PALS1: variants seen among roughly 807,000 people sequenced by gnomAD.
PALS1 encodes protein associated with LIN7 1, MAGUK p55 family member, also known as protein PALS1.
PALS1 carries 31 observed loss-of-function variants against 78.9 expected under a neutral mutation model. The ratio of observed to expected loss-of-function variants is 0.39; its 90% CI spans 0.30 to 0.53. The LOEUF is 0.53. Among genes scored for constraint, PALS1 ranks in the 20% least tolerant of loss-of-function variants. The pLI is 0.67. For missense variants in PALS1, 704 were observed against 826.5 expected, an observed-to-expected ratio of 0.85 and a Z score of 1.82; for synonymous variants, 276 against 270.9, an observed-to-expected ratio of 1.02 and a Z score of -0.18.
At chr14:67,285,397 C>T (rs1211955505) in intron 3 of PALS1, among the ~76,000 whole-genome samples, 22 of 142,538 alleles carry the variant, frequency 1.5e-4, no homozygotes, top group East Asian at 2.1e-4. Flanking sequence ...GACGGAGTCT[C>T]GCTCTGTCGC....
At chr14:67,247,128 A>G (rs1212660347) in intron 1 of PALS1, among the ~76,000 whole-genome samples, 1 of 152,264 alleles carries the variant, frequency 6.6e-6, no homozygotes, top group African/African-American at 2.4e-5. Flanking sequence ...TTTAGAGATC[A>G]ACCTGAAGAT....
chr14:67,267,748 A>G (rs199885848), intron 1 of PALS1, among the ~76,000 whole-genome samples: 1 of 152,268 alleles, frequency 6.6e-6, no homozygotes, highest in East Asian at 1.9e-4. Flanking sequence ...TGCCTTTTTC[A>G]GTCAGAATCT....
At chr14:67,256,317 C>T (rs936222923) in intron 1 of PALS1, among the ~76,000 whole-genome samples, 1 of 151,912 alleles carries the variant, frequency 6.6e-6, no homozygotes, top group South Asian at 2.1e-4. Flanking sequence ...TTTTCACTTG[C>T]GTTTGTTTCA....
At chr14:67,298,757 C>T (rs2084894047) in intron 4 of PALS1, among the ~76,000 whole-genome samples, 2 of 152,158 alleles carry the variant, frequency 1.3e-5, no homozygotes, top group South Asian at 4.1e-4. Flanking sequence ...AAACATACAA[C>T]TGCTATCAAG....
chr14:67,290,891 A>G (rs982515969), intron 3 of PALS1, among the ~76,000 whole-genome samples: 3 of 152,216 alleles, frequency 2.0e-5, no homozygotes, highest in Non-Finnish European at 4.4e-5. Context: ...AGGAAAAATA[A>G]AGTTAAATTT....
intron 8 of PALS1, among the ~76,000 whole-genome samples, chr14:67,310,901 CAGTA>C: frequency 6.6e-6 from 1 of 152,160 alleles, no homozygotes; most frequent in Non-Finnish European, 1.5e-5. Flanking sequence ...CTGTCATCGA[CAGTA>C]CTCATTTTAG....
At chr14:67,293,107 G>A (rs1050925361) in intron 4 of PALS1, among the ~76,000 whole-genome samples, 4 of 151,904 alleles carry the variant, frequency 2.6e-5, no homozygotes, top group African/African-American at 9.7e-5. Context: ...ATTATATAAC[G>A]CCTAAGATTT....
At chr14:67,312,342 C>T (rs1038820149) in intron 8 of PALS1, among the ~76,000 whole-genome samples, 185 bp from the exon 9 acceptor site, 1 of 152,088 alleles carries the variant, frequency 6.6e-6, no homozygotes, top group Non-Finnish European at 1.5e-5. Context: ...CTTTGGGAGG[C>T]TGAGGGAGAA....
intron 5 of PALS1, among the ~76,000 whole-genome samples, chr14:67,301,760 T>C (rs2084935167): frequency 6.6e-6 from 1 of 152,200 alleles, no homozygotes; most frequent in African/African-American, 2.4e-5. Flanking sequence ...TACATTGATG[T>C]TATCTTCCGA....
intron 1 of PALS1, among the ~76,000 whole-genome samples, chr14:67,248,513 A>G (rs2140426261): frequency 6.6e-6 from 1 of 152,294 alleles, no homozygotes; most frequent in South Asian, 2.1e-4. Context: ...AAATTAAAAC[A>G]TTTGGCTTTC....
chr14:67,319,673 G>A (rs1265354952), intron 11 of PALS1, among the ~76,000 whole-genome samples: 1 of 151,550 alleles, frequency 6.6e-6, no homozygotes, highest in Admixed American at 6.6e-5. Flanking sequence ...TTACAAATTC[G>A]CATTGGGCCC....
chr14:67,293,777 T>C (rs1260151427), intron 4 of PALS1, among the ~76,000 whole-genome samples: 2 of 152,144 alleles, frequency 1.3e-5, no homozygotes, highest in African/African-American at 4.8e-5. Context: ...TCAAATCCGG[T>C]TGGGAAGAAT....
At chr14:67,285,412 G>A (rs1184536378) in intron 3 of PALS1, among the ~76,000 whole-genome samples, 2 of 146,158 alleles carry the variant, frequency 1.4e-5, no homozygotes, top group Non-Finnish European at 3.0e-5. Flanking sequence ...TGTCGCCCAG[G>A]CTGGAGTGCA....
At chr14:67,305,641 A>G (rs2084991592) in intron 8 of PALS1, among the ~76,000 whole-genome samples, 1 of 152,258 alleles carries the variant, frequency 6.6e-6, no homozygotes. Flanking sequence ...ATTCTGTAAA[A>G]GAAAAGCCAT....
chr14:67,296,079 T>C (rs2084843720), intron 4 of PALS1, among the ~76,000 whole-genome samples: 1 of 151,998 alleles, frequency 6.6e-6, no homozygotes, highest in Non-Finnish European at 1.5e-5. Context: ...GAGATGTGCC[T>C]AATTCTGTTT....
intron 2 of PALS1, among the ~76,000 whole-genome samples, chr14:67,276,571 C>T (rs908119133): frequency 7.9e-5 from 12 of 152,228 alleles, no homozygotes; most frequent in African/African-American, 2.9e-4. Flanking sequence ...AGGCTAAGCA[C>T]TGGAGCTATA....
intron 1 of PALS1, among the ~76,000 whole-genome samples, chr14:67,252,773 T>G (rs1358057274): frequency 6.6e-6 from 1 of 152,220 alleles, no homozygotes. Flanking sequence ...ATTTGTACTT[T>G]TATCATTTAT....
chr14:67,257,768 CAGGT>C (rs1168580894), intron 1 of PALS1, among the ~76,000 whole-genome samples: 2 of 152,018 alleles, frequency 1.3e-5, no homozygotes, highest in Non-Finnish European at 2.9e-5. Flanking sequence ...ATGCAGAACT[CAGGT>C]AGAGGAGGTG....
intron 1 of PALS1, among the ~76,000 whole-genome samples, chr14:67,251,084 A>C (rs183604505): frequency 2.2e-4 from 34 of 152,356 alleles, no homozygotes; most frequent in Non-Finnish European, 4.4e-4. Context: ...TATAAGTGAT[A>C]GAAAGGAGTT....
Sources: allele counts gnomAD v4.1 joint callset (sites outside exome capture counted in the v4.1 genomes callset), GRCh38; gene constraint gnomAD v4.1.1; transcripts MANE v1.5; gene names NCBI Gene and HGNC (gene_info 2026-07-23, HGNC 2026-07-21).